The following ADAM9 variants were observed in gnomAD, a reference collection of about 807,000 sequenced individuals.
ADAM9 encodes disintegrin and metalloproteinase domain-containing protein 9.
A neutral mutation model predicts 108.1 loss-of-function variants in ADAM9; 54 were observed. The ratio of observed to expected loss-of-function variants is 0.50; its 90% CI spans 0.40 to 0.63. The LOEUF (loss-of-function observed/expected upper bound fraction) is 0.63, where lower values mean the gene tolerates loss of function less well. Ranked by LOEUF, ADAM9 falls within the 20% of genes least tolerant of loss-of-function variation. The probability of loss-of-function intolerance (pLI) is 0.00; values close to 1 mark genes in which losing one functional copy is unlikely to be tolerated. For synonymous variants in ADAM9, 316 were observed against 336.0 expected (o/e 0.94, Z 0.65); for missense variants, 830 against 997.7 (o/e 0.83, Z 2.26).
chr8:39,021,564 A>G lies in ADAM9; in HGVS notation c.673-79A>G, dbSNP rs1054096698. ...CTCTCAAAATGCTAGAATTACAGGC[A>G]TGAGGTACTGCACCCGGCCTTACAT... On this transcript the variant is annotated intron_variant, in intron 7 of 21. Coordinates refer to ENST00000487273, the MANE Select transcript of ADAM9 (RefSeq NM_003816.3). The G allele has an allele frequency of 3.1e-6, 4 of 1,271,506 alleles. No individual in the cohort carries two copies. The Admixed American group carries it at 5.1e-5, about 16-fold the overall frequency. 78.8% of individuals were successfully genotyped at this position (1,271,506 alleles called of 1,614,324 possible). A position where few individuals can be genotyped will look rare whatever the true frequency, so the allele number is the denominator to read the frequency against.
chr8:39,003,609 G>C (rs544575219), intron 1 of ADAM9, among the ~76,000 whole-genome samples: 1 of 152,230 alleles, frequency 6.6e-6, no homozygotes, highest in East Asian at 1.9e-4. Flanking sequence ...TGGGAAGGAG[G>C]ATTTTCATAC....
intron 12 of ADAM9, among the ~76,000 whole-genome samples, chr8:39,042,891 G>T (rs1837495885): frequency 6.6e-6 from 1 of 152,100 alleles, no homozygotes; most frequent in Non-Finnish European, 1.5e-5. Flanking sequence ...CTGAAACTTT[G>T]TATCTGTTGA....
chr8:39,007,833 C>T (rs1345494340), intron 1 of ADAM9, 53 bp from the exon 2 acceptor site: 1 of 1,213,518 alleles, frequency 8.2e-7, no homozygotes, highest in African/African-American at 1.5e-5. Context: ...ATATTGTGTT[C>T]CCACGTAGTT....
chr8:39,075,199 G>C (rs1481420426), intron 15 of ADAM9, among the ~76,000 whole-genome samples: 1 of 152,034 alleles, frequency 6.6e-6, no homozygotes, highest in Non-Finnish European at 1.5e-5. Context: ...GAGCCACCGC[G>C]CCTGGCCCTA....
intron 20 of ADAM9, among the ~76,000 whole-genome samples, chr8:39,096,030 G>T (rs941822775): frequency 4.0e-5 from 6 of 151,554 alleles, no homozygotes; most frequent in African/African-American, 1.5e-4. Context: ...TTTTGTTTTT[G>T]ACCCTTCCTT....
chr8:39,072,043 A>G, intron 15 of ADAM9, among the ~76,000 whole-genome samples: 2 of 152,326 alleles, frequency 1.3e-5, no homozygotes, highest in Middle Eastern at 6.8e-3. Context: ...AGATAAAGGT[A>G]CCTGCAGAAG....
chr8:39,089,943 G>T, intron 18 of ADAM9, 104 bp from the exon 19 acceptor site: 1 of 1,240,260 alleles, frequency 8.1e-7, no homozygotes, highest in South Asian at 1.2e-5. Flanking sequence ...ATATCAGTTT[G>T]ATTTTTGAGT....
At chr8:39,048,005 C>T (rs946671989) in intron 12 of ADAM9, among the ~76,000 whole-genome samples, 4 of 151,670 alleles carry the variant, frequency 2.6e-5, no homozygotes, top group Non-Finnish European at 4.4e-5. Context: ...ATTGCAACCT[C>T]CACCTCCTGG....
intron 2 of ADAM9, among the ~76,000 whole-genome samples, chr8:39,010,294 G>A (rs1836315042): frequency 6.6e-6 from 1 of 152,166 alleles, no homozygotes; most frequent in Non-Finnish European, 1.5e-5. Context: ...GAGTAGAAAG[G>A]CACATGACAA....
intron 9 of ADAM9, 135 bp from the exon 10 acceptor site, chr8:39,025,668 A>G: frequency 4.0e-6 from 3 of 755,760 alleles, no homozygotes; most frequent in Non-Finnish European, 6.6e-6. Context: ...TTCTGATTTT[A>G]GAATTTTTTT....
At chr8:39,056,681 CTCTT>C (rs1362650586) in intron 14 of ADAM9, among the ~76,000 whole-genome samples, 2 of 152,150 alleles carry the variant, frequency 1.3e-5, no homozygotes, top group African/African-American at 4.8e-5. Flanking sequence ...TTCTCTCTCT[CTCTT>C]TTGGTTTGGT....
At chr8:39,006,156 T>G (rs1261397273) in intron 1 of ADAM9, among the ~76,000 whole-genome samples, 2 of 152,202 alleles carry the variant, frequency 1.3e-5, no homozygotes, top group African/African-American at 4.8e-5. Flanking sequence ...TAAATCAAGT[T>G]TGATTCCTTA....
At position 39,014,140 on chromosome 8, in the gene ADAM9, G is replaced by A. The variant is rs1183720225; in HGVS notation, c.333+97G>A. ...GCACTCAGGACTGTTACATTGCACA[G>A]CCCCACAGGGTACCTTTAACATTAT... On this transcript the variant is annotated intron_variant, in intron 4 of 21. Transcript: ENST00000487273. 8.4e-6 allele frequency: 8 copies of A among 951,306 alleles called. No homozygotes were observed. In the South Asian group the frequency reaches 1.0e-4, roughly 12 times the overall value. 58.9% of individuals were successfully genotyped at this position (951,306 alleles called of 1,614,324 possible).
chr8:39,004,135 T>A (rs1325669130), intron 1 of ADAM9, among the ~76,000 whole-genome samples: 1 of 152,196 alleles, frequency 6.6e-6, no homozygotes, highest in Non-Finnish European at 1.5e-5. Context: ...TGGTTCTGAG[T>A]TGTAACGAAA....
chr8:39,023,330 GTATT>G lies in ADAM9; in HGVS notation c.914+7_914+10del, dbSNP rs1158844222. On this transcript the variant is annotated splice_donor_region_variant and intron_variant, in intron 9 of 21. Coordinates refer to ENST00000487273, the MANE Select transcript of ADAM9 (RefSeq NM_003816.3). ...TGACAGTGCACAGCTAGTTCTGTAA[GTATT>G]TTTTTTTTAAGTACTATTAATGAAA... 13 of 1,606,228 alleles carry G rather than the reference GTATT, an allele frequency of 8.1e-6. No homozygotes were observed. The highest frequency in any genetic ancestry group is 1.3e-5 in the African/African-American group (1 of 74,404).
chr8:39,076,954 T>C (rs571838100), intron 15 of ADAM9, among the ~76,000 whole-genome samples: 22 of 152,204 alleles, frequency 1.4e-4, no homozygotes, highest in Non-Finnish European at 2.5e-4. Context: ...TGTTGAGCTC[T>C]AGACAGACAG....
chr8:39,058,789 G>A (rs548466682), intron 14 of ADAM9, among the ~76,000 whole-genome samples: 1 of 152,290 alleles, frequency 6.6e-6, no homozygotes, highest in Admixed American at 6.5e-5. Flanking sequence ...AAGGTCGTGG[G>A]AACAGGAAAC....
intron 1 of ADAM9, among the ~76,000 whole-genome samples, chr8:38,999,568 GC>G (rs1835934093): frequency 6.6e-6 from 1 of 152,112 alleles, no homozygotes; most frequent in South Asian, 2.1e-4. Context: ...GTTTTCAGAT[GC>G]CAGCAAAATA....
At position 39,050,565 on chromosome 8, in the gene ADAM9, T is replaced by G. The variant is rs76489000; in HGVS notation, c.1303-3916T>G. On this transcript the variant is annotated intron_variant, in intron 12 of 21. Coordinates refer to ENST00000487273, the MANE Select transcript of ADAM9 (RefSeq NM_003816.3). ...GAACTCCTCTGTTGCATTTTTCCAT[T>G]AAGTTGGTGTATTCTTCAGCCCCGA... is the stretch of plus-strand genomic sequence containing the variant. Among the ~76,000 whole-genome samples, 31 of 152,256 alleles carry G rather than the reference T, an allele frequency of 2.0e-4. No individual in the cohort carries two copies. In the East Asian group the frequency reaches 6.0e-3, roughly 29 times the overall value.
Sources: gnomAD v4.1 joint callset for allele counts (sites outside exome capture counted in the v4.1 genomes callset) on GRCh38, gnomAD v4.1.1 for gene constraint, MANE v1.5 for transcripts, NCBI Gene and HGNC (gene_info 2026-07-23, HGNC 2026-07-21) for gene names.